Variants in BCR observed in about 807,000 individuals in gnomAD.
The protein encoded by BCR is breakpoint cluster region protein.
In BCR, 58 loss-of-function variants were observed where a neutral mutation model predicts 138.6. The ratio of observed to expected loss-of-function variants is 0.42; its 90% CI spans 0.34 to 0.52. The LOEUF (loss-of-function observed/expected upper bound fraction) is 0.52. BCR is among the 20% of genes least tolerant of loss of function. The probability of loss-of-function intolerance (pLI) is 0.06; values close to 1 mark genes in which losing one functional copy is unlikely to be tolerated. For missense variants in BCR, 1,599 were observed against 1,727.2 expected (o/e 0.93, Z 1.32); for synonymous variants, 786 against 730.1 (o/e 1.08, Z -1.23).
At chr22:23,314,100 A>G (rs202165139) in intron 21 of BCR, 27 bp downstream of exon 21, 3 of 1,574,878 alleles carry the variant, frequency 1.9e-6, no homozygotes, top group East Asian at 4.5e-5. Flanking sequence ...ATGGCAGCCC[A>G]GGGCTCCAGG....
chr22:23,201,676 C>T (rs1248496253), intron 1 of BCR, among the ~76,000 whole-genome samples: 1 of 152,106 alleles, frequency 6.6e-6, no homozygotes, highest in Non-Finnish European at 1.5e-5. Flanking sequence ...AGGATGGTCT[C>T]GATCTCCTGA....
chr22:23,258,118 T>C (rs1002238451), intron 2 of BCR, among the ~76,000 whole-genome samples: 1 of 152,148 alleles, frequency 6.6e-6, no homozygotes, highest in Non-Finnish European at 1.5e-5. Flanking sequence ...TCTTGATGGC[T>C]GTCCCCCCCA....
chr22:23,276,667 C>G (rs946950843), intron 8 of BCR, among the ~76,000 whole-genome samples: 4 of 152,226 alleles, frequency 2.6e-5, no homozygotes, highest in Non-Finnish European at 5.9e-5. Context: ...ATGATAGATG[C>G]CTGTGCTTTG....
intron 1 of BCR, among the ~76,000 whole-genome samples, chr22:23,211,893 G>T (rs2072688640): frequency 6.6e-6 from 1 of 152,092 alleles, no homozygotes; most frequent in African/African-American, 2.4e-5. Context: ...TCCTTCTTGA[G>T]CCTGGACCCT....
chr22:23,263,209 C>T lies in BCR; in HGVS notation c.1752+1669C>T, dbSNP rs369293366. 1.5e-4 allele frequency: 136 copies of T among 934,538 alleles called. 1 individual carries two copies. The African/African-American group carries it at 1.9e-3, about 13-fold the overall frequency. 57.9% of individuals were successfully genotyped at this position (934,538 alleles called of 1,614,324 possible). A position where few individuals can be genotyped will look rare whatever the true frequency, so the allele number is the denominator to read the frequency against. ...GCCGCCTGCCCGGCTGCGGGGCCAGCGCTCTGGCGCCTGCCGGAAGTGCTG... is the reference window on the plus strand; with the variant it reads ...GCCGCCTGCCCGGCTGCGGGGCCAGTGCTCTGGCGCCTGCCGGAAGTGCTG... On this transcript the variant is annotated intron_variant, in intron 4 of 22. Transcript: ENST00000305877.
At chr22:23,263,406 G>A in intron 4 of BCR, 2 of 1,268,362 alleles carry the variant, frequency 1.6e-6, no homozygotes. Flanking sequence ...CAGTGTCCCA[G>A]TGAAGGTGTC....
At chr22:23,219,583 A>G (rs2072798837) in intron 1 of BCR, among the ~76,000 whole-genome samples, 1 of 152,176 alleles carries the variant, frequency 6.6e-6, no homozygotes, top group Non-Finnish European at 1.5e-5. Context: ...GCTGAAGGTC[A>G]AGGTCACGCA....
At chr22:23,240,860 A>G (rs1279948802) in intron 1 of BCR, among the ~76,000 whole-genome samples, 1 of 152,012 alleles carries the variant, frequency 6.6e-6, no homozygotes, top group Non-Finnish European at 1.5e-5. Context: ...AGCACCTCAC[A>G]ACCCCCTTTC....
chr22:23,312,038 A>G (rs1487093031), intron 19 of BCR: 3 of 1,034,844 alleles, frequency 2.9e-6, no homozygotes, highest in African/African-American at 1.6e-5. Flanking sequence ...CATCCTAGCC[A>G]TGCATGCCAC....
chr22:23,269,301 G>T (rs1471272025), intron 5 of BCR, among the ~76,000 whole-genome samples: 1 of 152,168 alleles, frequency 6.6e-6, no homozygotes, highest in Admixed American at 6.5e-5. Flanking sequence ...CTCTTTGGAG[G>T]CCCTTGCCTC....
chr22:23,314,610 G>C lies in BCR; in HGVS notation c.3622G>C (p.Gly1208Arg). The C allele has an allele frequency of 6.2e-7, 1 of 1,611,946 alleles. No individual in the cohort carries two copies. Among genetic ancestry groups the C allele is most frequent in the Non-Finnish European group, 8.5e-7 (1 of 1,179,838 alleles). The change falls in exon 22 of 23, where the codon GGC becomes CGC. Residue 1208 changes from glycine to arginine, a missense_variant. Gly to Arg is a moderately radical substitution (Grantham distance 125, BLOSUM62 -2). Transcript: ENST00000305877. ...CCTGCACAACCTCGCCACGGTCTTT[G>C]GCCCCACGCTGCTCCGGCCCTCCGA... is the stretch of plus-strand genomic sequence containing the variant. ...MSLHNLATVF[G>R]PTLLRPSEKE... is the part of the protein sequence containing the mutation.
rs115791554 is a variant in BCR at position 23,258,804 on chromosome 22, G to T, written c.1462-2146G>T. ...TGTCAGCGGGGCCAACGAGAAGCCTGCCCGCAGCCAGTGATTTTCCCCGAA... is the reference window on the plus strand; with the variant it reads ...TGTCAGCGGGGCCAACGAGAAGCCTTCCCGCAGCCAGTGATTTTCCCCGAA... On this transcript the variant is annotated intron_variant, in intron 2 of 22. Transcript: ENST00000305877. Among the ~76,000 whole-genome samples, 347 of 152,350 alleles carry T rather than the reference G, an allele frequency of 2.3e-3. 3 individuals carry two copies. The highest frequency in any genetic ancestry group is 8.0e-3 in the African/African-American group (331 of 41,580).
chr22:23,287,361 T>G, intron 11 of BCR, 83 bp downstream of exon 11: 1 of 1,452,638 alleles, frequency 6.9e-7, no homozygotes, highest in Non-Finnish European at 9.1e-7. Flanking sequence ...CGTTTTCACT[T>G]GGATGCGCCC....
At chr22:23,213,263 G>A (rs954729952) in intron 1 of BCR, among the ~76,000 whole-genome samples, 13 of 152,214 alleles carry the variant, frequency 8.5e-5, no homozygotes, top group African/African-American at 3.1e-4. Context: ...CTGCCTGCCA[G>A]GGTAGGCACT....
chr22:23,210,655 C>G (rs1388369316), intron 1 of BCR, among the ~76,000 whole-genome samples: 1 of 152,206 alleles, frequency 6.6e-6, no homozygotes, highest in Non-Finnish European at 1.5e-5. Flanking sequence ...ATTTCTCCTA[C>G]TTGCAGCCCA....
chr22:23,293,890 A>G (rs927714177), intron 15 of BCR, among the ~76,000 whole-genome samples: 1 of 148,658 alleles, frequency 6.7e-6, no homozygotes, highest in Admixed American at 6.8e-5. Flanking sequence ...CCAAGAAGCC[A>G]TGCGCGCACA....
At chr22:23,241,698 G>A (rs529691567) in intron 1 of BCR, among the ~76,000 whole-genome samples, 9 of 152,170 alleles carry the variant, frequency 5.9e-5, no homozygotes, top group African/African-American at 1.9e-4. Context: ...CAGGCTCACT[G>A]TGCGTCAGTG....
chr22:23,271,951 G>A (rs558024852), intron 6 of BCR, among the ~76,000 whole-genome samples: 7 of 151,542 alleles, frequency 4.6e-5, no homozygotes, highest in South Asian at 2.1e-4. Context: ...TCAGCCTCCC[G>A]AGTAGCTGGG....
chr22:23,261,566 G>A, intron 4 of BCR, 26 bp downstream of exon 4: 1 of 1,606,820 alleles, frequency 6.2e-7, no homozygotes, highest in Non-Finnish European at 8.5e-7. Flanking sequence ...CCGGTGCTGG[G>A]ACTACAGGCG....
Sources: allele counts gnomAD v4.1 joint callset (sites outside exome capture counted in the v4.1 genomes callset), GRCh38; gene constraint gnomAD v4.1.1; transcripts MANE v1.5; gene names NCBI Gene and HGNC (gene_info 2026-07-23, HGNC 2026-07-21).